Variants in RERE observed in about 807,000 individuals in gnomAD.
RERE encodes arginine-glutamic acid dipeptide repeats protein.
In RERE, 40 loss-of-function variants were observed where a neutral mutation model predicts 146.1. That is an observed-to-expected ratio of 0.27 (90% CI 0.21 to 0.36). The LOEUF (loss-of-function observed/expected upper bound fraction) is 0.36. Among genes scored for constraint, RERE ranks in the 10% least tolerant of loss-of-function variants. The pLI, the probability that RERE is intolerant of heterozygous loss-of-function variation, is 1.00. For missense variants in RERE, 1,933 were observed against 2,138.7 expected, an observed-to-expected ratio of 0.90 and a Z score of 1.90; for synonymous variants, 1,003 against 866.0, an observed-to-expected ratio of 1.16 and a Z score of -2.78.
rs1159380578 is a variant in RERE, at chr1:8,358,788, G to A, written c.3747C>T (p.Asp1249=). 9 of 1,612,720 alleles carry A rather than the reference G, an allele frequency of 5.6e-6. No individual in the cohort carries two copies. The highest frequency in any genetic ancestry group is 2.7e-5 in the African/African-American group (2 of 74,906). The change falls in exon 20 of 23, where the codon GAC becomes GAT. Residue 1249 remains aspartate (D), a synonymous_variant. Transcript: ENST00000400908. ...CGCTCAGAGTCCGAAGGGCAGGTGTGTCGGGCCCGATGTAGGGGGGCACAG... is the reference window on the plus strand; with the variant it reads ...CGCTCAGAGTCCGAAGGGCAGGTGTATCGGGCCCGATGTAGGGGGGCACAG... The part of the protein sequence containing the change: ...IAAVPPYIGP[D]TPALRTLSEY...
chr1:8,486,755 TAA>T (rs33956517), intron 10 of RERE, among the ~76,000 whole-genome samples: 2 of 122,342 alleles, frequency 1.6e-5, no homozygotes, highest in Non-Finnish European at 3.3e-5. Flanking sequence ...GAGTCCATCT[TAA>T]AAAAAAAAAA....
intron 12 of RERE, among the ~76,000 whole-genome samples, chr1:8,390,637 T>C (rs1642852748): frequency 8.7e-6 from 1 of 114,634 alleles, no homozygotes; most frequent in Non-Finnish European, 1.8e-5. Flanking sequence ...TTCCTTTCTA[T>C]CTAGTAAATA....
intron 16 of RERE, among the ~76,000 whole-genome samples, chr1:8,362,375 C>T (rs891356538): frequency 6.6e-6 from 1 of 152,192 alleles, no homozygotes; most frequent in Non-Finnish European, 1.5e-5. Context: ...TGGAGCCAAT[C>T]TCTAATGGAT....
intron 4 of RERE, among the ~76,000 whole-genome samples, chr1:8,577,619 C>T (rs1007648392): frequency 6.6e-6 from 1 of 152,198 alleles, no homozygotes; most frequent in African/African-American, 2.4e-5. Flanking sequence ...CTTAAAAATG[C>T]TCACAATGTT....
intron 22 of RERE, 43 bp downstream of exon 22, chr1:8,355,376 G>A (rs1281162408): frequency 3.4e-5 from 54 of 1,595,786 alleles, no homozygotes; most frequent in Non-Finnish European, 4.1e-5. Context: ...TGGGAGCCTG[G>A]GCTCAGATAA....
intron 1 of RERE, among the ~76,000 whole-genome samples, chr1:8,789,223 T>C (rs34813437): frequency 7.5e-6 from 1 of 133,104 alleles, no homozygotes; most frequent in African/African-American, 2.9e-5. Flanking sequence ...TGGGGGAGGG[T>C]TGCTTGATCC....
At chr1:8,489,661 T>TA (rs1045957129) in intron 10 of RERE, among the ~76,000 whole-genome samples, 5 of 151,340 alleles carry the variant, frequency 3.3e-5, no homozygotes, top group South Asian at 2.1e-4. Context: ...GGATAAAATT[T>TA]AAAAAAAAAT....
At chr1:8,363,802 G>C (rs1204183312) in intron 15 of RERE, 2 of 556,538 alleles carry the variant, frequency 3.6e-6, no homozygotes, top group African/African-American at 3.8e-5. Context: ...GCCTTGGAGA[G>C]CCTGCACTGA....
At chr1:8,505,475 G>A (rs1645238095) in intron 8 of RERE, among the ~76,000 whole-genome samples, 1 of 152,110 alleles carries the variant, frequency 6.6e-6, no homozygotes, top group African/African-American at 2.4e-5. Context: ...GTAATGAAGA[G>A]AAGGACTTTA....
chr1:8,353,761 C>G lies in RERE; in HGVS notation c.*1326G>C, dbSNP rs1448678242. 1 of 152,290 alleles carries G rather than the reference C, an allele frequency of 6.6e-6. No individual in the cohort carries two copies. The highest frequency in any genetic ancestry group is 2.4e-5 in the African/African-American group (1 of 41,430). 9.4% of individuals were successfully genotyped at this position (152,290 alleles called of 1,614,324 possible). ...CACTTCCAGGATGAAGAGTGGGACTCAAATGGTTTACCAGTGCAATGTGGG... is the reference window on the plus strand; with the variant it reads ...CACTTCCAGGATGAAGAGTGGGACTGAAATGGTTTACCAGTGCAATGTGGG... On this transcript the variant is annotated 3_prime_UTR_variant, in exon 23 of 23. Transcript: ENST00000400908.
chr1:8,406,069 T>C (rs1643429119), intron 12 of RERE, among the ~76,000 whole-genome samples: 2 of 151,712 alleles, frequency 1.3e-5, no homozygotes, highest in African/African-American at 2.4e-5. Flanking sequence ...ACTGCAGCAG[T>C]AGGATTCTGA....
At chr1:8,405,452 G>A (rs774345444) in intron 12 of RERE, among the ~76,000 whole-genome samples, 2 of 152,004 alleles carry the variant, frequency 1.3e-5, no homozygotes, top group Non-Finnish European at 2.9e-5. Context: ...AGATACATGC[G>A]TTAAGCAAAA....
At chr1:8,395,041 G>A (rs919537859) in intron 12 of RERE, among the ~76,000 whole-genome samples, 2 of 152,176 alleles carry the variant, frequency 1.3e-5, no homozygotes, top group Admixed American at 1.3e-4. Flanking sequence ...CAGCCCAAAG[G>A]CATTCCATGA....
At chr1:8,377,773 G>A (rs1642308066) in intron 12 of RERE, among the ~76,000 whole-genome samples, 1 of 152,178 alleles carries the variant, frequency 6.6e-6, no homozygotes, top group Non-Finnish European at 1.5e-5. Flanking sequence ...AATGACGGGA[G>A]CGGGACGAAC....
chr1:8,541,499 T>TACAGATATAA (rs1035561752), intron 6 of RERE, among the ~76,000 whole-genome samples, 181 bp from the exon 7 acceptor site: 7 of 152,334 alleles, frequency 4.6e-5, no homozygotes, highest in Non-Finnish European at 4.4e-5. Context: ...TACACCTGTG[T>TACAGATATAA]AATCTGACTG....
chr1:8,359,606 C>T (rs977900942), intron 19 of RERE, among the ~76,000 whole-genome samples, 158 bp downstream of exon 19: 6 of 152,218 alleles, frequency 3.9e-5, no homozygotes, highest in Non-Finnish European at 5.9e-5. Flanking sequence ...GTGCAGCACC[C>T]GTCAGAGGTG....
intron 1 of RERE, chr1:8,786,367 T>C (rs976679494): frequency 3.6e-6 from 3 of 840,798 alleles, no homozygotes; most frequent in Non-Finnish European, 6.1e-6. Context: ...ATAGATGTCA[T>C]GAATCAGATC....
At chr1:8,623,943 G>A (rs181569554) in intron 3 of RERE, among the ~76,000 whole-genome samples, 193 of 152,174 alleles carry the variant, frequency 1.3e-3, no homozygotes, top group African/African-American at 4.4e-3. Flanking sequence ...TCTCTGACCC[G>A]TTTATATTAT....
chr1:8,636,703 G>A (rs1647105865), intron 2 of RERE, among the ~76,000 whole-genome samples: 1 of 152,234 alleles, frequency 6.6e-6, no homozygotes, highest in Non-Finnish European at 1.5e-5. Context: ...TAAAATATAA[G>A]CAGACCTATA....
Sources: gnomAD v4.1 joint callset for allele counts (sites outside exome capture counted in the v4.1 genomes callset) on GRCh38, gnomAD v4.1.1 for gene constraint, MANE v1.5 for transcripts, NCBI Gene and HGNC (gene_info 2026-07-23, HGNC 2026-07-21) for gene names.